The following KLRD1 variants were observed in gnomAD, a reference collection of about 807,000 sequenced individuals.
The protein encoded by KLRD1 is killer cell lectin like receptor D1, also known as natural killer cells antigen CD94.
In KLRD1, 21 loss-of-function variants were observed where a neutral mutation model predicts 22.6. The observed-to-expected ratio is 0.93, with a 90% CI of 0.66 to 1.34. The LOEUF is 1.34. KLRD1 is among the 40% of genes most tolerant of loss of function. The probability of loss-of-function intolerance (pLI) is 0.00; values close to 1 mark genes in which losing one functional copy is unlikely to be tolerated. For synonymous variants in KLRD1, 59 were observed against 71.1 expected, an observed-to-expected ratio of 0.83 and a Z score of 0.85; for missense variants, 183 against 208.6, an observed-to-expected ratio of 0.88 and a Z score of 0.76.
At position 10,309,527 on chromosome 12, in the gene KLRD1, C is replaced by A. The variant is rs537598345; in HGVS notation, c.100+47C>A. 7.2e-5 allele frequency: 93 copies of A among 1,295,004 alleles called. No individual in the cohort carries two copies. The Middle Eastern group carries it at 7.4e-4, about 10-fold the overall frequency. The allele number at this position is 1,295,004 out of a possible 1,614,324, so 80.2% of individuals were successfully genotyped here. Reference sequence around the variant, plus strand: ...TCCATAAAAATCAAAACTGTGAAGACATCATTTAATAATAAAGGCTTCATC... The same window carrying A: ...TCCATAAAAATCAAAACTGTGAAGAAATCATTTAATAATAAAGGCTTCATC... On this transcript the variant is annotated intron_variant, in intron 2 of 5. Transcript: ENST00000336164.
chr12:10,270,468 T>C (rs1327724730), intron 1 of KLRD1, among the ~76,000 whole-genome samples: 1 of 152,124 alleles, frequency 6.6e-6, no homozygotes, highest in Non-Finnish European at 1.5e-5. Flanking sequence ...AGAAGTTGGC[T>C]AATGTCATCA....
In KLRD1 at chr12:10,316,565, C is replaced by G. The variant is rs1360713822; in HGVS notation, c.*1772C>G. On this transcript the variant is annotated 3_prime_UTR_variant, in exon 6 of 6. Transcript: ENST00000336164. Reference sequence around the variant, plus strand: ...CTCAGGTGCGAGCCATCATGCTCAGCTAATTTTTTGTATCATTTGTAGAAA... The same window carrying G: ...CTCAGGTGCGAGCCATCATGCTCAGGTAATTTTTTGTATCATTTGTAGAAA... 6.6e-6 allele frequency: 1 copy of G among 152,000 alleles called. No individual in the cohort carries two copies. Among genetic ancestry groups the G allele is most frequent in the Non-Finnish European group, 1.5e-5 (1 of 68,020 alleles). The allele number at this position is 152,000 out of a possible 1,614,324, so 9.4% of individuals were successfully genotyped here.
chr12:10,316,205 C>T lies in KLRD1; in HGVS notation c.*1412C>T, dbSNP rs1023439040. 1 of 151,394 alleles carries T rather than the reference C, an allele frequency of 6.6e-6. No individual in the cohort carries two copies. Among genetic ancestry groups the T allele is most frequent in the African/African-American group, 2.4e-5 (1 of 41,158 alleles). 9.4% of individuals were successfully genotyped at this position (151,394 alleles called of 1,614,324 possible). On this transcript the variant is annotated 3_prime_UTR_variant, in exon 6 of 6. Coordinates refer to ENST00000336164, the MANE Select transcript of KLRD1 (RefSeq NM_002262.5). ...CCTCACCTTTGTTATTTAGTGTACT[C>T]CAACCACGGAGTAACATCCCATCAT...
chr12:10,296,626 A>C (rs182563022), intron 1 of KLRD1, among the ~76,000 whole-genome samples: 5 of 152,338 alleles, frequency 3.3e-5, no homozygotes, highest in Admixed American at 1.3e-4. Flanking sequence ...GATACCTCCT[A>C]AAATGAGTGA....
At chr12:10,264,211 A>G (rs754389969) in intron 1 of KLRD1, among the ~76,000 whole-genome samples, 27 of 152,066 alleles carry the variant, frequency 1.8e-4, no homozygotes, top group Admixed American at 5.9e-4. Context: ...TTCCCTTCTA[A>G]TTGGTAATTC....
intron 1 of KLRD1, among the ~76,000 whole-genome samples, chr12:10,239,518 C>CCTTT (rs55671846): frequency 0.031 from 1,820 of 59,220 alleles, 32 homozygotes; most frequent in Middle Eastern, 0.091. Flanking sequence ...CCTTCCCTCC[C>CCTTT]CTTTCTTTCT....
At chr12:10,289,756 G>T (rs1949747885) in intron 1 of KLRD1, among the ~76,000 whole-genome samples, 1 of 152,074 alleles carries the variant, frequency 6.6e-6, no homozygotes, top group Non-Finnish European at 1.5e-5. Context: ...AATGTATCTG[G>T]TCCATATCCA....
chr12:10,308,963 C>T (rs1949989069), intron 1 of KLRD1: 1 of 155,726 alleles, frequency 6.4e-6, no homozygotes, highest in Non-Finnish European at 1.4e-5. Flanking sequence ...TATTATTGGA[C>T]CTTATGTTTT....
At chr12:10,250,511 C>A (rs1217617007) in intron 1 of KLRD1, among the ~76,000 whole-genome samples, 1 of 151,856 alleles carries the variant, frequency 6.6e-6, no homozygotes, top group Non-Finnish European at 1.5e-5. Context: ...GGCTGGAGTG[C>A]AGTGGCAAAA....
chr12:10,262,643 A>T (rs1237179658), intron 1 of KLRD1, among the ~76,000 whole-genome samples: 1 of 152,084 alleles, frequency 6.6e-6, no homozygotes, highest in African/African-American at 2.4e-5. Context: ...TTGTGATATT[A>T]TGTTGCAATG....
At chr12:10,242,152 TA>T (rs1949248114) in intron 1 of KLRD1, among the ~76,000 whole-genome samples, 2 of 146,808 alleles carry the variant, frequency 1.4e-5, no homozygotes, top group South Asian at 4.3e-4. Flanking sequence ...AAAAATGGGA[TA>T]TATGTGCTGA....
intron 1 of KLRD1, among the ~76,000 whole-genome samples, chr12:10,278,437 A>G (rs1330326515): frequency 6.6e-6 from 1 of 152,140 alleles, no homozygotes; most frequent in Non-Finnish European, 1.5e-5. Flanking sequence ...ATCTGTAGGC[A>G]TCTGGTATTG....
chr12:10,295,370 A>G (rs1949812235), intron 1 of KLRD1, among the ~76,000 whole-genome samples: 1 of 152,204 alleles, frequency 6.6e-6, no homozygotes, highest in South Asian at 2.1e-4. Context: ...GATTGGGAAC[A>G]GATTCAAGTA....
intron 1 of KLRD1, among the ~76,000 whole-genome samples, chr12:10,281,034 T>C (rs894447377): frequency 1.1e-4 from 16 of 152,172 alleles, no homozygotes; most frequent in South Asian, 2.1e-4. Context: ...TGCTACCTTA[T>C]AGGGCGAGAG....
chr12:10,239,634 T>C (rs1008514742), intron 1 of KLRD1, among the ~76,000 whole-genome samples: 3 of 150,736 alleles, frequency 2.0e-5, no homozygotes, highest in Non-Finnish European at 4.4e-5. Context: ...TCTTTCTCTC[T>C]GTCTTTTGTT....
At chr12:10,292,750 C>T (rs1162411387) in intron 1 of KLRD1, among the ~76,000 whole-genome samples, 1 of 152,166 alleles carries the variant, frequency 6.6e-6, no homozygotes, top group African/African-American at 2.4e-5. Flanking sequence ...TAGCCCCTAA[C>T]AAGAGAGCCA....
chr12:10,290,509 T>C (rs527502328), intron 1 of KLRD1, among the ~76,000 whole-genome samples: 2 of 152,308 alleles, frequency 1.3e-5, no homozygotes, highest in African/African-American at 4.8e-5. Flanking sequence ...GTGATCTTAT[T>C]TATATTAAAG....
chr12:10,318,140 G>A lies in KLRD1; in HGVS notation c.*3347G>A, dbSNP rs1354803456. The A allele has an allele frequency of 3.9e-5, 6 of 152,188 alleles. No individual in the cohort carries two copies. Among genetic ancestry groups the A allele is most frequent in the African/African-American group, 1.4e-4 (6 of 41,446 alleles). 9.4% of individuals were successfully genotyped at this position (152,188 alleles called of 1,614,324 possible). A position where few individuals can be genotyped will look rare whatever the true frequency, so the allele number is the denominator to read the frequency against. On this transcript the variant is annotated 3_prime_UTR_variant, in exon 6 of 6. Coordinates refer to ENST00000336164, the MANE Select transcript of KLRD1 (RefSeq NM_002262.5). ...ATTCTCATATTGCATGCATAAGAAAGTGAGTTATTTTACAGCTGAACTGGG... is the reference window on the plus strand; with the variant it reads ...ATTCTCATATTGCATGCATAAGAAAATGAGTTATTTTACAGCTGAACTGGG...
intron 1 of KLRD1, among the ~76,000 whole-genome samples, chr12:10,252,575 TTA>T: frequency 6.6e-6 from 1 of 152,174 alleles, no homozygotes; most frequent in South Asian, 2.1e-4. Context: ...TTCCCTCATG[TTA>T]CTTAAGATTT....
Sources: allele counts gnomAD v4.1 joint callset (sites outside exome capture counted in the v4.1 genomes callset), GRCh38; gene constraint gnomAD v4.1.1; transcripts MANE v1.5; gene names NCBI Gene and HGNC (gene_info 2026-07-23, HGNC 2026-07-21).